ATP8A2: variants seen among roughly 807,000 people sequenced by gnomAD.
The protein encoded by ATP8A2 is ATPase phospholipid transporting 8A2, also known as phospholipid-transporting ATPase IB.
In ATP8A2, 100 loss-of-function variants were observed where a neutral mutation model predicts 165.6. That is an observed-to-expected ratio of 0.60 (90% CI 0.51 to 0.71). The LOEUF (loss-of-function observed/expected upper bound fraction) is 0.71, where lower values mean the gene tolerates loss of function less well. Among genes scored for constraint, ATP8A2 ranks in the 30% least tolerant of loss-of-function variants. ATP8A2 has a pLI of 0.00. For missense variants in ATP8A2, 1,227 were observed against 1,479.5 expected, an observed-to-expected ratio of 0.83 and a Z score of 2.80; for synonymous variants, 543 against 548.8, an observed-to-expected ratio of 0.99 and a Z score of 0.15.
intron 30 of ATP8A2, among the ~76,000 whole-genome samples, chr13:25,840,924 A>G (rs1355758628): frequency 6.6e-6 from 1 of 152,202 alleles, no homozygotes; most frequent in Non-Finnish European, 1.5e-5. Flanking sequence ...AACTAGCCAC[A>G]AGTACTCTCT....
chr13:25,818,833 A>G (rs1951090477), intron 27 of ATP8A2, among the ~76,000 whole-genome samples: 1 of 152,220 alleles, frequency 6.6e-6, no homozygotes, highest in South Asian at 2.1e-4. Context: ...TATTGAGTGG[A>G]ATCAATATAA....
intron 2 of ATP8A2, among the ~76,000 whole-genome samples, chr13:25,513,122 G>T (rs78312593): frequency 0.3 from 44,917 of 150,868 alleles, 7,551 homozygotes; most frequent in Middle Eastern, 0.43. Flanking sequence ...CTTCCCAGAC[G>T]GGGTGGCTGC....
intron 33 of ATP8A2, among the ~76,000 whole-genome samples, chr13:25,928,023 T>C (rs1315994052): frequency 5.3e-5 from 8 of 152,250 alleles, no homozygotes; most frequent in Admixed American, 3.9e-4. Flanking sequence ...GTTGAAAAAA[T>C]AAACATCCTA....
At chr13:25,737,229 G>A (rs1308445766) in intron 25 of ATP8A2, among the ~76,000 whole-genome samples, 1 of 152,200 alleles carries the variant, frequency 6.6e-6, no homozygotes, top group African/African-American at 2.4e-5. Context: ...CGGGTCCTCA[G>A]GAAGTTAAGT....
intron 26 of ATP8A2, among the ~76,000 whole-genome samples, chr13:25,772,556 C>T (rs181749681): frequency 1.3e-5 from 2 of 152,046 alleles, no homozygotes; most frequent in East Asian, 3.9e-4. Flanking sequence ...GTGGTGAGCC[C>T]CGCGCCTTCC....
intron 1 of ATP8A2, among the ~76,000 whole-genome samples, chr13:25,438,046 T>G (rs531264101): frequency 6.6e-6 from 1 of 152,294 alleles, no homozygotes; most frequent in East Asian, 1.9e-4. Flanking sequence ...TTATTTTTAT[T>G]GTGTTTGTAT....
chr13:25,494,518 A>G (rs75488023), intron 2 of ATP8A2, among the ~76,000 whole-genome samples: 1 of 152,190 alleles, frequency 6.6e-6, no homozygotes, highest in African/African-American at 2.4e-5. Context: ...TTATATGAAA[A>G]GAGAGGAGAC....
chr13:25,927,400 G>T (rs559361242), intron 33 of ATP8A2: 1 of 352,092 alleles, frequency 2.8e-6, no homozygotes, highest in East Asian at 7.4e-5. Flanking sequence ...TCTCAAAATA[G>T]GCTGGTAGCT....
chr13:25,579,720 G>A lies in ATP8A2; in HGVS notation c.1868-88G>A, dbSNP rs77364514. ...AGCACAGAGTCTCTTCAATTTTTTTGGGCATGCTGATGGAAAAGGGAGCAC... is the reference window on the plus strand; with the variant it reads ...AGCACAGAGTCTCTTCAATTTTTTTAGGCATGCTGATGGAAAAGGGAGCAC... On this transcript the variant is annotated intron_variant, in intron 21 of 36. Coordinates refer to ENST00000381655, the MANE Select transcript of ATP8A2 (RefSeq NM_016529.6). 2,639 of 1,459,720 alleles carry A rather than the reference G, an allele frequency of 1.8e-3. 51 individuals carry two copies. The African/African-American group carries it at 0.033, about 18-fold the overall frequency. The allele number at this position is 1,459,720 out of a possible 1,614,324, so 90.4% of individuals were successfully genotyped here.
intron 2 of ATP8A2, among the ~76,000 whole-genome samples, chr13:25,508,989 G>A (rs529603076): frequency 3.3e-5 from 5 of 152,298 alleles, no homozygotes; most frequent in African/African-American, 1.2e-4. Flanking sequence ...ATAACATTTC[G>A]TTGGGTTTAG....
At chr13:25,653,714 A>G (rs945656146) in intron 24 of ATP8A2, among the ~76,000 whole-genome samples, 1 of 152,242 alleles carries the variant, frequency 6.6e-6, no homozygotes, top group Admixed American at 6.5e-5. Flanking sequence ...AAATGAATGC[A>G]TGAATGCTTG....
intron 15 of ATP8A2, among the ~76,000 whole-genome samples, chr13:25,563,030 C>A (rs2039205471): frequency 6.6e-6 from 1 of 152,220 alleles, no homozygotes. Context: ...TTACTGTTTT[C>A]TGTGCTGTTA....
At chr13:25,470,823 A>T (rs1454543835) in intron 2 of ATP8A2, among the ~76,000 whole-genome samples, 1 of 152,248 alleles carries the variant, frequency 6.6e-6, no homozygotes, top group Admixed American at 6.5e-5. Context: ...CATGGATGAG[A>T]CTTGAAAGCA....
At chr13:25,928,788 G>A (rs1012127276) in intron 33 of ATP8A2, among the ~76,000 whole-genome samples, 1 of 151,924 alleles carries the variant, frequency 6.6e-6, no homozygotes, top group Non-Finnish European at 1.5e-5. Flanking sequence ...TTCATAAATG[G>A]CAGTGAAAGT....
chr13:25,841,109 C>A (rs909506519), intron 30 of ATP8A2, among the ~76,000 whole-genome samples: 1 of 152,194 alleles, frequency 6.6e-6, no homozygotes, highest in African/African-American at 2.4e-5. Context: ...GAATTATGAT[C>A]ATATACGTTC....
At chr13:25,412,519 C>A (rs2033997768) in intron 1 of ATP8A2, among the ~76,000 whole-genome samples, 1 of 152,208 alleles carries the variant, frequency 6.6e-6, no homozygotes, top group Non-Finnish European at 1.5e-5. Context: ...TTAAGGAAAG[C>A]AGAGCTCAAA....
At chr13:25,552,705 C>T (rs1203879813) in intron 11 of ATP8A2, among the ~76,000 whole-genome samples, 2 of 152,030 alleles carry the variant, frequency 1.3e-5, no homozygotes, top group Non-Finnish European at 2.9e-5. Context: ...TTTAGAAACT[C>T]CTTAATTCTA....
At chr13:25,815,333 G>C (rs914340142) in intron 27 of ATP8A2, among the ~76,000 whole-genome samples, 1 of 152,048 alleles carries the variant, frequency 6.6e-6, no homozygotes, top group Non-Finnish European at 1.5e-5. Context: ...AATATCTGAA[G>C]AGCTCCTAAA....
rs148506862 is a variant in ATP8A2 at position 25,872,551 on chromosome 13, G to A, written c.3183+10143G>A. Among the ~76,000 whole-genome samples, 88 of 152,284 alleles carry A rather than the reference G, an allele frequency of 5.8e-4. 1 individual carries two copies. Among genetic ancestry groups the A allele is most frequent in the African/African-American group, 2.0e-3 (83 of 41,556 alleles). ...CTTTGTCTACTTTTTATAGACTTCAGTATGTCCTTCCCCCAGCTTCTTTAC... is the reference window on the plus strand; with the variant it reads ...CTTTGTCTACTTTTTATAGACTTCAATATGTCCTTCCCCCAGCTTCTTTAC... On this transcript the variant is annotated intron_variant, in intron 33 of 36. Transcript: ENST00000381655.
Sources: allele counts gnomAD v4.1 joint callset (sites outside exome capture counted in the v4.1 genomes callset), GRCh38; gene constraint gnomAD v4.1.1; transcripts MANE v1.5; gene names NCBI Gene and HGNC (gene_info 2026-07-23, HGNC 2026-07-21).